REL: variants seen among roughly 807,000 people sequenced by gnomAD.
REL encodes the protein REL proto-oncogene, NF-kB subunit.
REL carries 15 observed loss-of-function variants against 45.9 expected under a neutral mutation model. That is an observed-to-expected ratio of 0.33 (90% CI 0.22 to 0.50). The LOEUF (loss-of-function observed/expected upper bound fraction) is 0.50, where lower values mean the gene tolerates loss of function less well. REL is among the 20% of genes least tolerant of loss of function. The pLI is 0.98. For missense variants in REL, 601 were observed against 715.2 expected (o/e 0.84, Z 1.82); for synonymous variants, 239 against 242.1 (o/e 0.99, Z 0.12).
intron 8 of REL, 99 bp downstream of exon 8, chr2:60,920,208 T>C (rs1674100668): frequency 1.9e-6 from 2 of 1,054,572 alleles, no homozygotes; most frequent in East Asian, 5.2e-5. Flanking sequence ...TTTTGTTGTT[T>C]GTTTGTTTTT....
intron 4 of REL, among the ~76,000 whole-genome samples, 185 bp from the exon 5 acceptor site, chr2:60,916,692 T>A (rs1463632537): frequency 6.6e-6 from 1 of 152,204 alleles, no homozygotes; most frequent in Non-Finnish European, 1.5e-5. Flanking sequence ...TCAAATACTG[T>A]TAGATAGTGA....
At chr2:60,894,851 CT>C (rs558726227) in intron 3 of REL, among the ~76,000 whole-genome samples, 263 of 106,760 alleles carry the variant, frequency 2.5e-3, no homozygotes, top group African/African-American at 5.8e-3. Context: ...TTCACTCTGT[CT>C]TTTTTTTTTT....
At chr2:60,903,687 C>T (rs964403610) in intron 4 of REL, among the ~76,000 whole-genome samples, 6 of 152,130 alleles carry the variant, frequency 3.9e-5, no homozygotes, top group African/African-American at 4.8e-5. Flanking sequence ...ATGTATACTA[C>T]GCCTGGCTAA....
rs1573349645 is a variant in REL, at chr2:60,922,783, C to T, written c.*248C>T. On this transcript the variant is annotated 3_prime_UTR_variant, in exon 10 of 10. Transcript: ENST00000394479. Reference sequence around the variant, plus strand: ...CAGAGGCCAGGCGCAGGGGCTCACACCTGTAATCCTAGCACTTTGGGAGGC... The same window carrying T: ...CAGAGGCCAGGCGCAGGGGCTCACATCTGTAATCCTAGCACTTTGGGAGGC... The T allele has an allele frequency of 9.3e-7, 1 of 1,076,524 alleles. No homozygotes were observed. Among genetic ancestry groups the T allele is most frequent in the South Asian group, 3.3e-5 (1 of 30,064 alleles). 66.7% of individuals were successfully genotyped at this position (1,076,524 alleles called of 1,614,324 possible).
intron 1 of REL, among the ~76,000 whole-genome samples, chr2:60,889,752 T>TCTATGTC (rs2103923033): frequency 6.6e-6 from 1 of 152,224 alleles, no homozygotes; most frequent in Non-Finnish European, 1.5e-5. Flanking sequence ...TCCAGCTTCA[T>TCTATGTC]CTATGTCCCT....
chr2:60,904,041 A>G (rs1673569199), intron 4 of REL, among the ~76,000 whole-genome samples: 1 of 152,182 alleles, frequency 6.6e-6, no homozygotes, highest in Admixed American at 6.5e-5. Context: ...TGCTTTATAT[A>G]TTTTATTTCA....
At chr2:60,917,063 G>A (rs988979122) in intron 5 of REL, 46 bp downstream of exon 5, 5 of 1,497,758 alleles carry the variant, frequency 3.3e-6, no homozygotes, top group Middle Eastern at 3.5e-4. Flanking sequence ...CTTGTTTTTT[G>A]TAATAGTTTA....
At position 60,920,610 on chromosome 2, in the gene REL, G is replaced by T; in HGVS notation, c.959G>T (p.Gly320Val). ...GAGAGACCAAGACCTGGTCTCCTCG[G>T]TTCAATTGGAGAAGGAAGATACTTC... ...FPERPRPGLLGSIGEGRYFKK... is the reference protein window; with the variant it reads ...FPERPRPGLLVSIGEGRYFKK... Residue 320 changes from glycine (G) to valine (V), a missense_variant, in exon 9 of 10, where the codon GGT becomes GTT. Transcript: ENST00000394479. The T allele has an allele frequency of 6.2e-7, 1 of 1,605,258 alleles. No individual in the cohort carries two copies. Among genetic ancestry groups the T allele is most frequent in the Admixed American group, 1.7e-5 (1 of 59,816 alleles).
At chr2:60,903,280 A>G (rs1200646557) in intron 4 of REL, among the ~76,000 whole-genome samples, 1 of 152,250 alleles carries the variant, frequency 6.6e-6, no homozygotes, top group Non-Finnish European at 1.5e-5. Flanking sequence ...TGCTGCAAAT[A>G]TAAGTGGCAG....
In REL at chr2:60,929,799, C is replaced by T. The variant is rs1674348231; in HGVS notation, c.*7264C>T. The T allele has an allele frequency of 6.6e-6, 1 of 151,544 alleles. No individual in the cohort carries two copies. The allele number at this position is 151,544 out of a possible 1,614,324, so 9.4% of individuals were successfully genotyped here. On this transcript the variant is annotated 3_prime_UTR_variant, in exon 10 of 10. Transcript: ENST00000394479. The stretch of plus-strand genomic sequence containing the variant: ...GTAACCTGCACAATGTGCACATGTA[C>T]CCTAAAGCTTAAAGTATAATAAAAA...
At chr2:60,884,052 T>C (rs562663548) in intron 1 of REL, among the ~76,000 whole-genome samples, 1 of 146,302 alleles carries the variant, frequency 6.8e-6, no homozygotes, top group African/African-American at 2.5e-5. Context: ...AATAAAATTC[T>C]AAATTCCTAT....
At chr2:60,913,277 A>C (rs1486688194) in intron 4 of REL, among the ~76,000 whole-genome samples, 1 of 152,146 alleles carries the variant, frequency 6.6e-6, no homozygotes, top group Middle Eastern at 3.2e-3. Context: ...TCTTTTAAAA[A>C]AAAATTTTTT....
chr2:60,916,307 AG>A (rs1196969573), intron 4 of REL, among the ~76,000 whole-genome samples: 1 of 152,090 alleles, frequency 6.6e-6, no homozygotes, highest in Non-Finnish European at 1.5e-5. Context: ...CCAGCTACTC[AG>A]GAGGCTGAGA....
intron 4 of REL, among the ~76,000 whole-genome samples, chr2:60,904,994 A>G (rs1343279690): frequency 6.6e-6 from 1 of 152,196 alleles, no homozygotes; most frequent in African/African-American, 2.4e-5. Context: ...CATGGTTTTA[A>G]CAACTCTACC....
chr2:60,906,881 A>ATGTG (rs1314554009), intron 4 of REL, among the ~76,000 whole-genome samples: 120 of 124,192 alleles, frequency 9.7e-4, no homozygotes, highest in African/African-American at 3.5e-3. Context: ...GCGTGTGTGT[A>ATGTG]TGTGTGTGTG....
At position 60,927,977 on chromosome 2, in the gene REL, T is replaced by A. The variant is rs1674305347; in HGVS notation, c.*5442T>A. The A allele has an allele frequency of 9.5e-6, 2 of 211,414 alleles. No individual in the cohort carries two copies. Among genetic ancestry groups the A allele is most frequent in the Non-Finnish European group, 9.6e-6 (1 of 104,328 alleles). 13.1% of individuals were successfully genotyped at this position (211,414 alleles called of 1,614,324 possible). On this transcript the variant is annotated 3_prime_UTR_variant, in exon 10 of 10. Transcript: ENST00000394479. ...ACAGCTGGGTTGTCAACGTCTAACCTAATACTTCAGGAAAACTCATGATGG... is the reference window on the plus strand; with the variant it reads ...ACAGCTGGGTTGTCAACGTCTAACCAAATACTTCAGGAAAACTCATGATGG...
intron 4 of REL, among the ~76,000 whole-genome samples, chr2:60,911,755 C>A (rs1673819107): frequency 6.6e-6 from 1 of 151,984 alleles, no homozygotes; most frequent in African/African-American, 2.4e-5. Flanking sequence ...AATCCCAGCA[C>A]TTTGGGAGGC....
At chr2:60,901,124 T>TTGATTTC (rs778541782) in intron 4 of REL, 41 bp downstream of exon 4, 1 of 1,500,426 alleles carries the variant, frequency 6.7e-7, no homozygotes, top group Admixed American at 2.6e-5. Context: ...TATTTGGGTG[T>TTGATTTC]TGATTTCTGT....
intron 4 of REL, among the ~76,000 whole-genome samples, chr2:60,905,609 A>G (rs1269716726): frequency 6.6e-6 from 1 of 152,186 alleles, no homozygotes; most frequent in African/African-American, 2.4e-5. Flanking sequence ...TTAGCAGCCA[A>G]AAGTATCTGT....
Sources: gnomAD v4.1 joint callset for allele counts (sites outside exome capture counted in the v4.1 genomes callset) on GRCh38, gnomAD v4.1.1 for gene constraint, MANE v1.5 for transcripts, NCBI Gene and HGNC (gene_info 2026-07-23, HGNC 2026-07-21) for gene names.